VPS52: variants seen among roughly 807,000 people sequenced by gnomAD.
VPS52 encodes VPS52 subunit of GARP complex, also known as vacuolar protein sorting-associated protein 52 homolog.
A neutral mutation model predicts 98.7 loss-of-function variants in VPS52; 56 were observed. The ratio of observed to expected loss-of-function variants is 0.57; its 90% CI spans 0.46 to 0.71. The LOEUF (loss-of-function observed/expected upper bound fraction) is 0.71, where lower values mean the gene tolerates loss of function less well. Among genes scored for constraint, VPS52 ranks in the 30% least tolerant of loss-of-function variants. VPS52 has a pLI of 0.00. For missense variants in VPS52, 742 were observed against 925.9 expected, an observed-to-expected ratio of 0.80 and a Z score of 2.58; for synonymous variants, 348 against 346.4, an observed-to-expected ratio of 1.00 and a Z score of -0.05.
At chr6:33,264,936 G>T (rs1251812621) in intron 12 of VPS52, 36 bp from the exon 13 acceptor site, 3 of 1,557,340 alleles carry the variant, frequency 1.9e-6, no homozygotes. Flanking sequence ...GATTAAAAGA[G>T]AATGTCAGTT....
rs778502183 is a variant in VPS52 at position 33,251,020 on chromosome 6, G to GT, written c.2026-34dup. On this transcript the variant is annotated intron_variant, in intron 19 of 19. Coordinates refer to ENST00000445902, the MANE Select transcript of VPS52 (RefSeq NM_022553.6). The stretch of plus-strand genomic sequence containing the variant: ...AAGAAAGTCATTGAGGGATCAAACC[G>GT]TAAAATGGTGCTAATAGTGATGATT... 3.1e-6 allele frequency: 5 copies of GT among 1,612,608 alleles called. No individual in the cohort carries two copies. The South Asian group carries it at 5.5e-5, about 18-fold the overall frequency.
At chr6:33,261,910 C>A (rs1763671868) in intron 17 of VPS52, among the ~76,000 whole-genome samples, 1 of 151,782 alleles carries the variant, frequency 6.6e-6, no homozygotes, top group Admixed American at 6.6e-5. Context: ...CATGGTGGCA[C>A]ATGCCTGTAA....
intron 12 of VPS52, 75 bp downstream of exon 12, chr6:33,266,472 GTTCTACCAGA>G: frequency 6.9e-7 from 1 of 1,444,260 alleles, no homozygotes; most frequent in Non-Finnish European, 9.2e-7. Flanking sequence ...CCTGATTTCA[GTTCTACCAGA>G]GTCATGACCC....
chr6:33,259,137 G>T (rs371567721), intron 17 of VPS52, among the ~76,000 whole-genome samples: 2 of 152,144 alleles, frequency 1.3e-5, no homozygotes, highest in African/African-American at 4.8e-5. Flanking sequence ...AGTGAGACTC[G>T]CATTTATTCA....
intron 11 of VPS52, 49 bp from the exon 12 acceptor site, chr6:33,266,761 ACT>A (rs915755942): frequency 7.7e-6 from 12 of 1,559,790 alleles, no homozygotes; most frequent in Non-Finnish European, 1.0e-5. Flanking sequence ...GGACCCCAAC[ACT>A]GACTTCCCAT....
rs1764372369 is a variant in VPS52 at position 33,266,772 on chromosome 6, A to C, written c.1126-60T>G. On this transcript the variant is annotated intron_variant, in intron 11 of 19. Coordinates refer to ENST00000445902, the MANE Select transcript of VPS52 (RefSeq NM_022553.6). Reference sequence around the variant, plus strand: ...GGATGGACCCCAACACTGACTTCCCATGGATATGGCTGGAAAATCAGTAAA... The same window carrying C: ...GGATGGACCCCAACACTGACTTCCCCTGGATATGGCTGGAAAATCAGTAAA... 9 of 1,546,754 alleles carry C rather than the reference A, an allele frequency of 5.8e-6. No individual in the cohort carries two copies. The Admixed American group carries it at 1.7e-4, about 29-fold the overall frequency.
At chr6:33,265,545 A>C (rs1487335800) in intron 12 of VPS52, among the ~76,000 whole-genome samples, 2 of 151,662 alleles carry the variant, frequency 1.3e-5, no homozygotes, top group African/African-American at 2.4e-5. Flanking sequence ...TTTATTTTTA[A>C]ATTTTTTGTA....
chr6:33,253,062 C>G (rs953629323), intron 17 of VPS52, among the ~76,000 whole-genome samples: 6 of 152,158 alleles, frequency 3.9e-5, no homozygotes, highest in African/African-American at 1.4e-4. Context: ...AACTGTACAT[C>G]ATTCTAGATG....
intron 13 of VPS52, 78 bp downstream of exon 13, chr6:33,264,704 G>C: frequency 6.8e-7 from 1 of 1,472,676 alleles, no homozygotes; most frequent in African/African-American, 1.4e-5. Flanking sequence ...GTCAGTAGGA[G>C]TCTAAGGTCA....
Position 33,269,775 on chromosome 6 carries a change from T to TCAA in VPS52, c.272_273insTTG (p.Leu91_Gln92insTer). 6.2e-7 allele frequency: 1 copy of TCAA among 1,613,602 alleles called. No individual in the cohort carries two copies. Among genetic ancestry groups the TCAA allele is most frequent in the Non-Finnish European group, 8.5e-7 (1 of 1,179,918 alleles). Reference sequence around the variant, plus strand: ...GAATGGATTTCTGTTCAATCTGCTGTAGCTCCAGCTCAACTTGCTTTGAAT... The same window carrying TCAA: ...GAATGGATTTCTGTTCAATCTGCTGTCAAAGCTCCAGCTCAACTTGCTTTGAAT... On this transcript the variant is annotated stop_gained and inframe_insertion, in exon 4 of 20. Coordinates refer to ENST00000445902, the MANE Select transcript of VPS52 (RefSeq NM_022553.6). LOFTEE classifies it high-confidence loss of function.
chr6:33,266,571 G>C lies in VPS52; in HGVS notation c.1267C>G (p.Leu423Val), dbSNP rs780859942. 4.4e-6 allele frequency: 7 copies of C among 1,609,140 alleles called. No homozygotes were observed. In the East Asian group the frequency reaches 1.6e-4, roughly 36 times the overall value. ...DLFHAVMGRT[L>V]SMTLKHLDSY... ...AGGAGTCTTACCAGGGTCATGCTGA[G>C]TGTACGGCCCATGACAGCATGGAAC... The change falls in exon 12 of 20, where the codon CTC becomes GTC. Residue 423 changes from leucine to valine, a missense_variant. This residue lies in a region of VPS52 where 590 missense variants were observed against 793.3 expected (regional missense o/e 0.74). Transcript: ENST00000445902.
rs1763918198 is a variant in VPS52, at chr6:33,263,487, T to C, written c.1791A>G (p.Thr597=). 6.2e-7 allele frequency: 1 copy of C among 1,613,772 alleles called. No homozygotes were observed. The highest frequency in any genetic ancestry group is 1.1e-5 in the South Asian group (1 of 91,072). The stretch of plus-strand genomic sequence containing the variant: ...TCCCTTTTCCCCACACCCCTACCTG[T>C]GTCCGAGCATTGAGCAGCTGCTGGA... ...ESFQQLLNAR[T]QEFIEELLSP... The change falls in exon 17 of 20, where the codon ACA becomes ACG. Residue 597 remains threonine, a synonymous_variant. Coordinates refer to ENST00000445902, the MANE Select transcript of VPS52 (RefSeq NM_022553.6).
intron 17 of VPS52, 36 bp downstream of exon 17, chr6:33,263,448 A>G (rs1486068334): frequency 3.8e-6 from 6 of 1,573,738 alleles, no homozygotes; most frequent in Non-Finnish European, 4.3e-6. Flanking sequence ...AAAACAGCAC[A>G]GAAGGCTGTC....
intron 14 of VPS52, 60 bp from the exon 15 acceptor site, chr6:33,264,163 CA>C: frequency 6.3e-7 from 1 of 1,596,180 alleles, no homozygotes; most frequent in Non-Finnish European, 8.6e-7. Context: ...CACAACCTCC[CA>C]ACTTCCTTAG....
intron 17 of VPS52, among the ~76,000 whole-genome samples, chr6:33,256,246 T>C (rs1445127946): frequency 2.0e-5 from 3 of 151,822 alleles, no homozygotes; most frequent in Admixed American, 2.0e-4. Flanking sequence ...GGCTCACATC[T>C]GTAATCCCAG....
chr6:33,267,163 G>C lies in VPS52; in HGVS notation c.1125+25C>G. 2 of 1,467,220 alleles carry C rather than the reference G, an allele frequency of 1.4e-6. No individual in the cohort carries two copies. Among genetic ancestry groups the C allele is most frequent in the East Asian group, 2.4e-5 (1 of 41,086 alleles). The allele number at this position is 1,467,220 out of a possible 1,614,324, so 90.9% of individuals were successfully genotyped here. ...CCACCGTGCTCAGAGCCTCTTTCGTGACTGAAGCTTGTTCCTCCTCATACC... is the reference window on the plus strand; with the variant it reads ...CCACCGTGCTCAGAGCCTCTTTCGTCACTGAAGCTTGTTCCTCCTCATACC... On this transcript the variant is annotated intron_variant, in intron 11 of 19. Coordinates refer to ENST00000445902, the MANE Select transcript of VPS52 (RefSeq NM_022553.6). This position sits in a 1 kb window ranked among gnomAD's most constrained non-coding sequence, Gnocchi z 4.2.
intron 4 of VPS52, 75 bp downstream of exon 4, chr6:33,269,669 A>T: frequency 1.3e-6 from 2 of 1,571,540 alleles, no homozygotes. Flanking sequence ...TGTTGACCCC[A>T]GCTGGGACAT....
In VPS52 at chr6:33,251,981, C is replaced by T; in HGVS notation, c.1795-10G>A. ...ACTCTTCAATGAATTCCTGGAAAGA[C>T]ACAAACACATATACACAGGTGTCCT... On this transcript the variant is annotated splice_polypyrimidine_tract_variant and intron_variant, in intron 17 of 19. Coordinates refer to ENST00000445902, the MANE Select transcript of VPS52 (RefSeq NM_022553.6). 1 of 1,611,014 alleles carries T rather than the reference C, an allele frequency of 6.2e-7. No homozygotes were observed. The highest frequency in any genetic ancestry group is 1.3e-5 in the African/African-American group (1 of 75,024).
chr6:33,269,195 G>C lies in VPS52; in HGVS notation c.373-6C>G. On this transcript the variant is annotated splice_polypyrimidine_tract_variant and splice_region_variant and intron_variant, in intron 5 of 19. Transcript: ENST00000445902. ...CCCAACATCTGCTCCATTCGCTGTA[G>C]GGAGGGTAGATGTTGCCGGAGTGCT... 1 of 1,613,032 alleles carries C rather than the reference G, an allele frequency of 6.2e-7. No individual in the cohort carries two copies. The highest frequency in any genetic ancestry group is 8.5e-7 in the Non-Finnish European group (1 of 1,179,980).
Sources: allele counts gnomAD v4.1 joint callset (sites outside exome capture counted in the v4.1 genomes callset), GRCh38; gene constraint gnomAD v4.1.1; regional missense constraint gnomAD v4.1.1; non-coding constraint Gnocchi (gnomAD v3.1); transcripts MANE v1.5; gene names NCBI Gene and HGNC (gene_info 2026-07-23, HGNC 2026-07-21).